The following MYH15 variants were observed in gnomAD, a reference collection of about 807,000 sequenced individuals.
MYH15 encodes the protein myosin heavy chain 15.
MYH15 carries 227 observed loss-of-function variants against 240.5 expected under a neutral mutation model. The ratio of observed to expected loss-of-function variants is 0.94; its 90% confidence interval spans 0.85 to 1.05. The LOEUF is 1.05. Ranked by LOEUF, MYH15 falls within the 50% of genes least tolerant of loss-of-function variation. MYH15 has a pLI of 0.00. For synonymous variants in MYH15, 785 were observed against 796.7 expected (o/e 0.99, Z 0.25); for missense variants, 2,217 against 2,247.5 (o/e 0.99, Z 0.27).
rs368671435 is a variant in MYH15, at chr3:108,388,964, G to C, written c.5535+6C>G. On this transcript the variant is annotated splice_donor_region_variant and intron_variant, in intron 38 of 40. Coordinates refer to ENST00000693548, the MANE Select transcript of MYH15 (RefSeq NM_014981.3). Reference sequence around the variant, plus strand: ...CAGACAAACAGGGAATGGTTTCCTGGAGTACCTGATAGGTCAGCTCTTTGA... The same window carrying C: ...CAGACAAACAGGGAATGGTTTCCTGCAGTACCTGATAGGTCAGCTCTTTGA... 1 of 1,612,382 alleles carries C rather than the reference G, an allele frequency of 6.2e-7. No homozygotes were observed. The highest frequency in any genetic ancestry group is 8.5e-7 in the Non-Finnish European group (1 of 1,179,052).
At chr3:108,451,066 T>C (rs1201549073) in intron 21 of MYH15, among the ~76,000 whole-genome samples, 2 of 152,136 alleles carry the variant, frequency 1.3e-5, no homozygotes, top group Non-Finnish European at 2.9e-5. Flanking sequence ...AGGAATAGAA[T>C]TAGAGATACA....
intron 9 of MYH15, among the ~76,000 whole-genome samples, chr3:108,487,297 A>G (rs1034079774): frequency 2.0e-5 from 3 of 152,182 alleles, no homozygotes; most frequent in African/African-American, 7.2e-5. Flanking sequence ...AAAATCGGTT[A>G]TCTTGAACTC....
chr3:108,518,046 A>G (rs984082382), intron 1 of MYH15, among the ~76,000 whole-genome samples: 1 of 152,206 alleles, frequency 6.6e-6, no homozygotes, highest in Non-Finnish European at 1.5e-5. Context: ...AACATCCCTG[A>G]AATGATACCT....
At chr3:108,399,325 A>C in intron 33 of MYH15, 58 bp from the exon 34 acceptor site, 1 of 1,375,538 alleles carries the variant, frequency 7.3e-7, no homozygotes, top group Non-Finnish European at 1.0e-6. Flanking sequence ...AATCAAATTC[A>C]CCTGCTATGT....
intron 27 of MYH15, among the ~76,000 whole-genome samples, chr3:108,424,294 T>A (rs2107557200): frequency 6.6e-6 from 1 of 152,336 alleles, no homozygotes; most frequent in Middle Eastern, 3.4e-3. Context: ...ATGGTAGGTA[T>A]CCACATAGGC....
At chr3:108,419,729 T>A (rs190417397) in intron 28 of MYH15, among the ~76,000 whole-genome samples, 1 of 152,206 alleles carries the variant, frequency 6.6e-6, no homozygotes, top group Admixed American at 6.5e-5. Context: ...TTTAGTTTTA[T>A]CAACTAATTT....
chr3:108,384,053 T>G (rs972473249), intron 39 of MYH15, among the ~76,000 whole-genome samples: 7 of 152,152 alleles, frequency 4.6e-5, no homozygotes. Flanking sequence ...TAACATCCTA[T>G]TCTACCCCTG....
At position 108,442,179 on chromosome 3, in the gene MYH15, A is replaced by G. The variant is rs112803337; in HGVS notation, c.2656-919T>C. Among the ~76,000 whole-genome samples the G allele has an allele frequency of 4.1e-3, 625 of 152,194 alleles. 9 individuals are homozygous for G. Among genetic ancestry groups the G allele is most frequent in the African/African-American group, 0.015 (602 of 41,492 alleles). ...CATAATATGCCAGTTTGGGCAACAT[A>G]TTAATGATCCATTTGCCTCACTTAA... On this transcript the variant is annotated intron_variant, in intron 22 of 40. Coordinates refer to ENST00000693548, the MANE Select transcript of MYH15 (RefSeq NM_014981.3).
chr3:108,399,779 A>G (rs1165064057), intron 33 of MYH15, among the ~76,000 whole-genome samples: 1 of 152,242 alleles, frequency 6.6e-6, no homozygotes, highest in African/African-American at 2.4e-5. Context: ...ACTCTCCTAG[A>G]ATAAAATGGT....
At chr3:108,486,574 G>T in intron 9 of MYH15, 48 bp from the exon 10 acceptor site, 1 of 1,301,482 alleles carries the variant, frequency 7.7e-7, no homozygotes, top group South Asian at 1.3e-5. Context: ...AATCTGCAAG[G>T]CCTTAGAAAA....
At chr3:108,390,199 A>C (rs1336514678) in intron 37 of MYH15, among the ~76,000 whole-genome samples, 1 of 152,198 alleles carries the variant, frequency 6.6e-6, no homozygotes, top group African/African-American at 2.4e-5. Context: ...AAACTGCTCT[A>C]CTAAAGCAAA....
chr3:108,521,397 T>TAA (rs11359459), intron 1 of MYH15, among the ~76,000 whole-genome samples: 1 of 145,412 alleles, frequency 6.9e-6, no homozygotes. Context: ...GAAATGATGT[T>TAA]AAAAAAAAAA....
intron 31 of MYH15, 106 bp from the exon 32 acceptor site, chr3:108,408,510 G>T: frequency 8.8e-7 from 1 of 1,140,864 alleles, no homozygotes; most frequent in Non-Finnish European, 1.2e-6. Flanking sequence ...GTGACCTCAT[G>T]CCACCCTTGG....
At chr3:108,489,280 A>C (rs1012748747) in intron 9 of MYH15, among the ~76,000 whole-genome samples, 7 of 152,234 alleles carry the variant, frequency 4.6e-5, no homozygotes. Context: ...GCCAAATGTC[A>C]AGGATTCCAG....
intron 11 of MYH15, among the ~76,000 whole-genome samples, chr3:108,479,519 A>C (rs2083249376): frequency 6.6e-6 from 1 of 152,194 alleles, no homozygotes; most frequent in South Asian, 2.1e-4. Flanking sequence ...TTGACTGCAC[A>C]CTGGGGTCCC....
At chr3:108,388,103 A>G (rs946480841) in intron 38 of MYH15, among the ~76,000 whole-genome samples, 12 of 152,182 alleles carry the variant, frequency 7.9e-5, no homozygotes, top group Admixed American at 6.5e-5. Context: ...TATCATGTGC[A>G]GTGTGAGATA....
At chr3:108,456,948 A>C in intron 18 of MYH15, 65 bp from the exon 19 acceptor site, 1 of 1,163,662 alleles carries the variant, frequency 8.6e-7, no homozygotes, top group Non-Finnish European at 1.3e-6. Context: ...CAGATTTTGA[A>C]CCAATTGCTG....
intron 1 of MYH15, among the ~76,000 whole-genome samples, chr3:108,521,107 GTTCT>G (rs1042339988): frequency 2.0e-5 from 3 of 151,934 alleles, no homozygotes; most frequent in Admixed American, 6.6e-5. Context: ...ATCTCATTTG[GTTCT>G]TTAATTTCTT....
intron 30 of MYH15, among the ~76,000 whole-genome samples, chr3:108,413,795 C>G (rs946983723): frequency 1.3e-5 from 2 of 152,210 alleles, no homozygotes; most frequent in Non-Finnish European, 2.9e-5. Context: ...TGTCCATCTT[C>G]ACAGACTACT....
Sources: gnomAD v4.1 joint callset for allele counts (sites outside exome capture counted in the v4.1 genomes callset) on GRCh38, gnomAD v4.1.1 for gene constraint, MANE v1.5 for transcripts, NCBI Gene and HGNC (gene_info 2026-07-23, HGNC 2026-07-21) for gene names.